Variants in ZFHX3 observed in about 807,000 individuals in gnomAD.
ZFHX3 encodes zinc finger homeobox protein 3.
A neutral mutation model predicts 279.1 loss-of-function variants in ZFHX3; 42 were observed. That is an observed-to-expected ratio of 0.15 (90% CI 0.12 to 0.19). The LOEUF (loss-of-function observed/expected upper bound fraction) is 0.19. Among genes scored for constraint, ZFHX3 ranks in the 10% least tolerant of loss-of-function variants. The pLI is 1.00. For missense variants in ZFHX3, 4,981 were observed against 4,754.0 expected (o/e 1.05, Z -1.40); for synonymous variants, 2,293 against 1,957.8 (o/e 1.17, Z -4.52).
chr16:72,998,439 G>T (rs1335405374), intron 1 of ZFHX3, among the ~76,000 whole-genome samples: 2 of 152,054 alleles, frequency 1.3e-5, no homozygotes, highest in Non-Finnish European at 1.5e-5. Flanking sequence ...AAAGAAACAG[G>T]TGAAATTCAT....
intron 1 of ZFHX3, among the ~76,000 whole-genome samples, chr16:73,743,673 G>A (rs62043693): frequency 0.11 from 17,254 of 151,942 alleles, 998 homozygotes; most frequent in South Asian, 0.13. Flanking sequence ...ATATATACAA[G>A]AAAAAGAGGT....
intron 5 of ZFHX3, among the ~76,000 whole-genome samples, chr16:73,180,944 TGAGCCACCGC>T (rs1395902626): frequency 2.0e-5 from 3 of 152,304 alleles, no homozygotes; most frequent in Admixed American, 6.5e-5. Context: ...ATTACAGGCG[TGAGCCACCGC>T]GCCTGGCCCA....
chr16:72,998,595 G>C (rs999701824), intron 1 of ZFHX3, among the ~76,000 whole-genome samples: 12 of 152,130 alleles, frequency 7.9e-5, no homozygotes, highest in Non-Finnish European at 1.6e-4. Context: ...GGCTCAGGGC[G>C]AACCAGCCAC....
chr16:73,451,778 T>G (rs2018284822), intron 3 of ZFHX3, among the ~76,000 whole-genome samples: 1 of 152,190 alleles, frequency 6.6e-6, no homozygotes, highest in Non-Finnish European at 1.5e-5. Flanking sequence ...AAAACGGAAC[T>G]AAATACAGCA....
intron 1 of ZFHX3, among the ~76,000 whole-genome samples, chr16:73,706,602 C>T (rs2053307474): frequency 6.6e-6 from 1 of 152,318 alleles, no homozygotes; most frequent in Non-Finnish European, 1.5e-5. Context: ...CCCAATCTCT[C>T]ATCACAGCCC....
At chr16:73,525,759 T>C (rs1199350333) in intron 2 of ZFHX3, among the ~76,000 whole-genome samples, 1 of 152,212 alleles carries the variant, frequency 6.6e-6, no homozygotes, top group Non-Finnish European at 1.5e-5. Context: ...CTTAATCACT[T>C]GTACAAAATA....
chr16:73,216,925 C>T (rs1402658873), intron 5 of ZFHX3, among the ~76,000 whole-genome samples: 2 of 152,158 alleles, frequency 1.3e-5, no homozygotes, highest in East Asian at 1.9e-4. Flanking sequence ...GTGCAAATAT[C>T]CCTGAAGGTC....
chr16:73,023,777 T>C (rs1254115414), intron 1 of ZFHX3, among the ~76,000 whole-genome samples: 1 of 152,074 alleles, frequency 6.6e-6, no homozygotes, highest in Non-Finnish European at 1.5e-5. Context: ...TCCTTGAGCC[T>C]AGAGTAACGA....
chr16:72,937,941 A>C (rs1347236480), intron 3 of ZFHX3, among the ~76,000 whole-genome samples: 3 of 152,266 alleles, frequency 2.0e-5, no homozygotes, highest in Non-Finnish European at 4.4e-5. Context: ...ACTTGCTGTC[A>C]GTAAAGACAA....
At chr16:73,875,843 G>A (rs1430299255) in intron 1 of ZFHX3, among the ~76,000 whole-genome samples, 1 of 152,114 alleles carries the variant, frequency 6.6e-6, no homozygotes, top group Admixed American at 6.5e-5. Context: ...ACAAAACCAT[G>A]TTATCAATCC....
chr16:73,209,411 T>G (rs2011929103), intron 5 of ZFHX3, among the ~76,000 whole-genome samples: 1 of 152,134 alleles, frequency 6.6e-6, no homozygotes, highest in South Asian at 2.1e-4. Flanking sequence ...GCAGGTCTGG[T>G]GTCTGGTGAG....
At chr16:73,571,359 G>T (rs1368069276) in intron 2 of ZFHX3, among the ~76,000 whole-genome samples, 1 of 152,098 alleles carries the variant, frequency 6.6e-6, no homozygotes, top group Admixed American at 6.6e-5. Flanking sequence ...AAACAAAAAG[G>T]TGATTTATAT....
intron 3 of ZFHX3, among the ~76,000 whole-genome samples, chr16:73,399,033 AT>A (rs531100796): frequency 0.028 from 3,905 of 139,534 alleles, 161 homozygotes; most frequent in African/African-American, 0.092. Context: ...CCCCCCGCTA[AT>A]TTTTTTTTTT....
intron 3 of ZFHX3, chr16:73,389,010 T>C (rs545072754): frequency 6.6e-6 from 1 of 152,320 alleles, no homozygotes; most frequent in Admixed American, 6.5e-5. Flanking sequence ...TTTCTTTCCC[T>C]CCTCACCACT....
At chr16:73,675,277 T>C (rs2052943299) in intron 2 of ZFHX3, among the ~76,000 whole-genome samples, 1 of 152,072 alleles carries the variant, frequency 6.6e-6, no homozygotes, top group South Asian at 2.1e-4. Flanking sequence ...CCAAGTACCC[T>C]CTAAGCAGTA....
At chr16:73,565,487 T>C (rs1457342447) in intron 2 of ZFHX3, among the ~76,000 whole-genome samples, 1 of 152,210 alleles carries the variant, frequency 6.6e-6, no homozygotes, top group Non-Finnish European at 1.5e-5. Flanking sequence ...AAAAATTAAC[T>C]GTGCGTCCTT....
intron 3 of ZFHX3, among the ~76,000 whole-genome samples, chr16:73,354,376 C>T (rs376832790): frequency 5.3e-5 from 8 of 152,268 alleles, no homozygotes; most frequent in South Asian, 4.1e-4. Context: ...TCTGTATAGA[C>T]GCCAACAGGA....
chr16:73,486,742 T>G (rs756741021), intron 2 of ZFHX3: 2 of 452,876 alleles, frequency 4.4e-6, no homozygotes, highest in South Asian at 3.1e-5. Flanking sequence ...GCTCATTTTT[T>G]TTTCTCTTCA....
intron 1 of ZFHX3, among the ~76,000 whole-genome samples, chr16:73,741,640 A>G (rs2053658790): frequency 6.6e-6 from 1 of 152,182 alleles, no homozygotes. Context: ...TTGACCACTG[A>G]GCCTCATCAA....
Sources: gnomAD v4.1 joint callset for allele counts (sites outside exome capture counted in the v4.1 genomes callset) on GRCh38, gnomAD v4.1.1 for gene constraint, MANE v1.5 for transcripts, NCBI Gene and HGNC (gene_info 2026-07-23, HGNC 2026-07-21) for gene names.